PICALM: variants seen among roughly 807,000 people sequenced by gnomAD.
PICALM encodes phosphatidylinositol-binding clathrin assembly protein.
Under a neutral mutation model 80.5 loss-of-function variants are expected in PICALM, and 40 were observed. The ratio of observed to expected loss-of-function variants is 0.50; its 90% CI spans 0.39 to 0.65. PICALM has a LOEUF of 0.65. Among genes scored for constraint, PICALM ranks in the 30% least tolerant of loss-of-function variants. The pLI, the probability that PICALM is intolerant of heterozygous loss-of-function variation, is 0.00. For missense variants in PICALM, 676 were observed against 778.9 expected, an observed-to-expected ratio of 0.87 and a Z score of 1.57; for synonymous variants, 288 against 260.3, an observed-to-expected ratio of 1.11 and a Z score of -1.02.
chr11:86,068,630 G>T, intron 1 of PICALM, 21 bp downstream of exon 1: 1 of 1,597,794 alleles, frequency 6.3e-7, no homozygotes, highest in Non-Finnish European at 8.5e-7. Flanking sequence ...GGGAGCGGGG[G>T]CCGCGGTCGG....
At chr11:86,013,650 AAG>A (rs2095435639) in intron 5 of PICALM, among the ~76,000 whole-genome samples, 1 of 152,220 alleles carries the variant, frequency 6.6e-6, no homozygotes, top group Non-Finnish European at 1.5e-5. Flanking sequence ...TGAAAAGAAT[AAG>A]AAATTTTAAA....
At chr11:85,994,030 A>AT (rs140861693) in intron 12 of PICALM, among the ~76,000 whole-genome samples, 3,755 of 152,206 alleles carry the variant, frequency 0.025, 70 homozygotes, top group Non-Finnish European at 0.038. Flanking sequence ...AGATAATCAA[A>AT]TTTTTTCATC....
chr11:85,984,123 A>G, intron 13 of PICALM, 150 bp from the exon 14 acceptor site: 2 of 554,636 alleles, frequency 3.6e-6, no homozygotes, highest in Admixed American at 3.8e-5. Flanking sequence ...TCTATATCAC[A>G]TTTTTCGCAG....
chr11:85,968,293 A>AAAAACAAAACAAAAC (rs57192979), intron 19 of PICALM, among the ~76,000 whole-genome samples: 5 of 151,200 alleles, frequency 3.3e-5, no homozygotes, highest in Non-Finnish European at 5.9e-5. Context: ...CCTGTCTCAA[A>AAAAACAAAACAAAAC]AAAACAAAAC....
chr11:86,017,416 T>G (rs1467052539), intron 4 of PICALM, among the ~76,000 whole-genome samples: 1 of 152,172 alleles, frequency 6.6e-6, no homozygotes, highest in Non-Finnish European at 1.5e-5. Context: ...TCACCTAAGA[T>G]TGTAAAGCTT....
chr11:86,054,632 C>T (rs2096242772), intron 1 of PICALM, among the ~76,000 whole-genome samples: 1 of 152,176 alleles, frequency 6.6e-6, no homozygotes. Context: ...TACTAACCTC[C>T]TTCAAAGTTA....
chr11:86,053,279 C>T lies in PICALM; in HGVS notation c.130+15372G>A, dbSNP rs572393123. Among the ~76,000 whole-genome samples, 6 of 152,294 alleles carry T rather than the reference C, an allele frequency of 3.9e-5. No homozygotes were observed. The South Asian group carries it at 8.3e-4, about 21-fold the overall frequency. The stretch of plus-strand genomic sequence containing the variant: ...TCTTGTAACGAGGCTAAGCGTTCTG[C>T]CAATCACAAGCGGCAAGCTGCTCAG... On this transcript the variant is annotated intron_variant, in intron 1 of 19. Coordinates refer to ENST00000393346, the MANE Select transcript of PICALM (RefSeq NM_007166.4).
chr11:85,974,344 A>G (rs2135545560), intron 19 of PICALM: 1 of 389,532 alleles, frequency 2.6e-6, no homozygotes, highest in Admixed American at 3.0e-5. Flanking sequence ...CTGTAGCATC[A>G]TTCTAGCCAT....
At chr11:85,987,257 G>C (rs1486586911) in intron 13 of PICALM, among the ~76,000 whole-genome samples, 1 of 152,116 alleles carries the variant, frequency 6.6e-6, no homozygotes. Context: ...AGGAAACAAA[G>C]AGAGATTACA....
intron 19 of PICALM, among the ~76,000 whole-genome samples, chr11:85,966,410 T>C (rs1225800853): frequency 6.6e-6 from 1 of 152,334 alleles, no homozygotes; most frequent in East Asian, 1.9e-4. Context: ...ATTCAGGGAA[T>C]AGGAACAATT....
chr11:86,006,654 AAAC>A (rs750670082), intron 8 of PICALM, among the ~76,000 whole-genome samples: 10 of 152,230 alleles, frequency 6.6e-5, no homozygotes, highest in African/African-American at 4.8e-5. Context: ...TGTCAAAAAG[AAAC>A]AACAACAAAA....
At chr11:85,973,047 C>A (rs1184434757) in intron 19 of PICALM, among the ~76,000 whole-genome samples, 1 of 152,106 alleles carries the variant, frequency 6.6e-6, no homozygotes, top group East Asian at 1.9e-4. Flanking sequence ...ATGACTGTGT[C>A]AATTACCCTC....
intron 13 of PICALM, among the ~76,000 whole-genome samples, chr11:85,989,060 C>G (rs1445645461): frequency 6.6e-6 from 1 of 152,212 alleles, no homozygotes; most frequent in African/African-American, 2.4e-5. Context: ...TGAGGACAAG[C>G]TACCTATTAC....
In PICALM at chr11:85,975,332, A is replaced by G. The variant is rs565760811; in HGVS notation, c.1840-520T>C. Among the ~76,000 whole-genome samples the G allele has an allele frequency of 5.3e-4, 81 of 152,292 alleles. 2 individuals are homozygous for G. In the South Asian group the frequency reaches 0.014, roughly 26 times the overall value. On this transcript the variant is annotated intron_variant, in intron 18 of 19. Transcript: ENST00000393346. ...AGAAAGAGCTTAAACTACAAACCAG[A>G]GGTTAACTCTTTCTTGAGTAACTGA...
chr11:86,021,415 C>T (rs544684229), intron 4 of PICALM, among the ~76,000 whole-genome samples: 5 of 150,858 alleles, frequency 3.3e-5, no homozygotes, highest in African/African-American at 1.2e-4. Context: ...AAAAAAAATG[C>T]TCAATATCAT....
At chr11:85,992,220 A>T (rs894249226) in intron 12 of PICALM, among the ~76,000 whole-genome samples, 1 of 151,836 alleles carries the variant, frequency 6.6e-6, no homozygotes, top group East Asian at 1.9e-4. Context: ...TTCTTCTTGC[A>T]TAAGAAAGGA....
Position 86,047,301 on chromosome 11 carries a change from CTT to C in PICALM, c.131-15692_131-15691del, listed in dbSNP as rs201442692. Among the ~76,000 whole-genome samples, 33 of 152,368 alleles carry C rather than the reference CTT, an allele frequency of 2.2e-4. No homozygotes were observed. In the East Asian group the frequency reaches 4.8e-3, roughly 22 times the overall value. On this transcript the variant is annotated intron_variant, in intron 1 of 19. Coordinates refer to ENST00000393346, the MANE Select transcript of PICALM (RefSeq NM_007166.4). ...TCCTAGTATACACAGTAGGCCACCT[CTT>C]GTCTGGTTTAGTATAATCCTCATTG...
chr11:86,056,170 T>TA (rs2096267766), intron 1 of PICALM, among the ~76,000 whole-genome samples: 1 of 130,334 alleles, frequency 7.7e-6, no homozygotes, highest in African/African-American at 2.7e-5. Flanking sequence ...CTTGAAAAAT[T>TA]AGACTTGAAA....
At chr11:86,053,637 G>A (rs913848099) in intron 1 of PICALM, among the ~76,000 whole-genome samples, 9 of 151,996 alleles carry the variant, frequency 5.9e-5, no homozygotes, top group South Asian at 2.1e-4. Context: ...GCATGATCTC[G>A]GCTCACTATA....
Sources: allele counts gnomAD v4.1 joint callset (sites outside exome capture counted in the v4.1 genomes callset), GRCh38; gene constraint gnomAD v4.1.1; transcripts MANE v1.5; gene names NCBI Gene and HGNC (gene_info 2026-07-23, HGNC 2026-07-21).